PAM: variants seen among roughly 807,000 people sequenced by gnomAD.
PAM encodes peptidyl-glycine alpha-amidating monooxygenase.
In PAM, 72 loss-of-function variants were observed where a neutral mutation model predicts 122.1. That is an observed-to-expected ratio of 0.59 (90% CI 0.49 to 0.72). The LOEUF (loss-of-function observed/expected upper bound fraction) is 0.72, where lower values mean the gene tolerates loss of function less well. PAM is among the 30% of genes least tolerant of loss of function. The probability of loss-of-function intolerance (pLI) is 0.00; values close to 1 mark genes in which losing one functional copy is unlikely to be tolerated. For missense variants in PAM, 1,106 were observed against 1,183.7 expected, an observed-to-expected ratio of 0.93 and a Z score of 0.96; for synonymous variants, 389 against 404.4, an observed-to-expected ratio of 0.96 and a Z score of 0.46.
chr5:102,773,725 T>C (rs1005772081), intron 1 of PAM, among the ~76,000 whole-genome samples: 3 of 152,028 alleles, frequency 2.0e-5, no homozygotes, highest in Non-Finnish European at 4.4e-5. Context: ...CTTATTTACT[T>C]TTTATTAACT....
intron 15 of PAM, among the ~76,000 whole-genome samples, chr5:102,977,677 C>G (rs1768178404): frequency 6.6e-6 from 1 of 151,596 alleles, no homozygotes; most frequent in East Asian, 1.9e-4. Context: ...CACACACACA[C>G]ACACACACAC....
At chr5:102,757,651 A>G (rs1432757092) in intron 1 of PAM, among the ~76,000 whole-genome samples, 1 of 152,222 alleles carries the variant, frequency 6.6e-6, no homozygotes, top group Non-Finnish European at 1.5e-5. Context: ...TGCCTAGAAA[A>G]AATATACAGA....
intron 1 of PAM, among the ~76,000 whole-genome samples, chr5:102,816,870 A>G: frequency 6.6e-6 from 1 of 151,770 alleles, no homozygotes; most frequent in Non-Finnish European, 1.5e-5. Context: ...GCTGATTTGA[A>G]CCTCTCTCAT....
intron 1 of PAM, among the ~76,000 whole-genome samples, chr5:102,757,210 C>T (rs1750666109): frequency 6.6e-6 from 1 of 152,070 alleles, no homozygotes; most frequent in Non-Finnish European, 1.5e-5. Context: ...ACCTGTAATC[C>T]CAGCTACTTG....
chr5:102,777,075 G>A (rs1757355514), intron 1 of PAM, among the ~76,000 whole-genome samples: 1 of 151,974 alleles, frequency 6.6e-6, no homozygotes, highest in African/African-American at 2.4e-5. Flanking sequence ...TATTTGTATT[G>A]TAGGGCAGTT....
intron 12 of PAM, among the ~76,000 whole-genome samples, chr5:102,956,232 G>A (rs560877092): frequency 4.6e-5 from 7 of 152,078 alleles, no homozygotes; most frequent in African/African-American, 1.7e-4. Context: ...ACATTTATAT[G>A]TGTATCAAAT....
At chr5:102,821,745 G>C (rs1771990021) in intron 1 of PAM, among the ~76,000 whole-genome samples, 1 of 152,174 alleles carries the variant, frequency 6.6e-6, no homozygotes, top group Admixed American at 6.5e-5. Flanking sequence ...CCAGTAGAGA[G>C]ATTGGGATTA....
chr5:102,980,554 G>T (rs767767658), intron 15 of PAM, among the ~76,000 whole-genome samples: 3 of 152,026 alleles, frequency 2.0e-5, no homozygotes, highest in African/African-American at 7.2e-5. Flanking sequence ...TTCTCATGTC[G>T]TGATGAGCAG....
chr5:102,760,791 T>G (rs1752087066), intron 1 of PAM, among the ~76,000 whole-genome samples: 1 of 152,208 alleles, frequency 6.6e-6, no homozygotes, highest in Non-Finnish European at 1.5e-5. Flanking sequence ...AGAAAATATT[T>G]CTGTTTGGAT....
chr5:102,857,531 A>G (rs1782961165), intron 1 of PAM, among the ~76,000 whole-genome samples: 1 of 152,222 alleles, frequency 6.6e-6, no homozygotes, highest in African/African-American at 2.4e-5. Context: ...AATTAGCTAA[A>G]TGAGTAATGT....
intron 3 of PAM, among the ~76,000 whole-genome samples, chr5:102,870,145 T>A (rs1786920495): frequency 6.6e-6 from 1 of 150,642 alleles, no homozygotes; most frequent in African/African-American, 2.4e-5. Flanking sequence ...AGCAACAAAA[T>A]TTAAAGAAGG....
intron 1 of PAM, among the ~76,000 whole-genome samples, chr5:102,841,222 T>G (rs1778510638): frequency 6.6e-6 from 1 of 152,152 alleles, no homozygotes; most frequent in Non-Finnish European, 1.5e-5. Flanking sequence ...GCTAATAAGT[T>G]GTACTTAGCA....
At chr5:103,028,359 C>A in intron 25 of PAM, 121 bp downstream of exon 25, 1 of 688,832 alleles carries the variant, frequency 1.5e-6, no homozygotes, top group Non-Finnish European at 2.6e-6. Flanking sequence ...TTGTATGCAG[C>A]TTAGCATCTC....
chr5:103,028,253 T>G lies in PAM; in HGVS notation c.2743+15T>G. Reference sequence around the variant, plus strand: ...AAGATTTAGAGGTATGCCTATGACCTTTTAGAACCCTTCATGTTTGGTTCA... The same window carrying G: ...AAGATTTAGAGGTATGCCTATGACCGTTTAGAACCCTTCATGTTTGGTTCA... On this transcript the variant is annotated intron_variant, in intron 25 of 25. Transcript: ENST00000438793. 1 of 1,563,532 alleles carries G rather than the reference T, an allele frequency of 6.4e-7. No individual in the cohort carries two copies. The highest frequency in any genetic ancestry group is 1.1e-5 in the South Asian group (1 of 89,456).
intron 1 of PAM, among the ~76,000 whole-genome samples, chr5:102,796,217 T>G (rs1763340696): frequency 6.6e-6 from 1 of 152,174 alleles, no homozygotes; most frequent in African/African-American, 2.4e-5. Flanking sequence ...GCTAATAGTC[T>G]GTGAGCTCCA....
At chr5:102,822,872 TACAC>T (rs1343251556) in intron 1 of PAM, among the ~76,000 whole-genome samples, 1 of 151,000 alleles carries the variant, frequency 6.6e-6, no homozygotes, top group African/African-American at 2.5e-5. Flanking sequence ...CCTTGACCCA[TACAC>T]AGACTCCTGC....
intron 1 of PAM, among the ~76,000 whole-genome samples, chr5:102,817,317 T>A (rs1192976606): frequency 6.6e-6 from 1 of 152,114 alleles, no homozygotes; most frequent in East Asian, 1.9e-4. Context: ...ACTATCTCAA[T>A]ATGGTAGCCA....
chr5:102,993,278 A>G (rs1774709812), intron 16 of PAM, among the ~76,000 whole-genome samples: 8 of 152,056 alleles, frequency 5.3e-5, no homozygotes, highest in Admixed American at 5.2e-4. Flanking sequence ...TGGCAGCTAG[A>G]GCTCTTTAAA....
intron 1 of PAM, among the ~76,000 whole-genome samples, chr5:102,812,942 G>A (rs1414490981): frequency 2.0e-5 from 3 of 151,338 alleles, no homozygotes; most frequent in East Asian, 1.9e-4. Flanking sequence ...AAGTGCTCAC[G>A]TAAATAAAAA....
Sources: allele counts gnomAD v4.1 joint callset (sites outside exome capture counted in the v4.1 genomes callset), GRCh38; gene constraint gnomAD v4.1.1; transcripts MANE v1.5; gene names NCBI Gene and HGNC (gene_info 2026-07-23, HGNC 2026-07-21).